The following RORA variants were observed in gnomAD, a reference collection of about 807,000 sequenced individuals.
The protein encoded by RORA is RAR related orphan receptor A.
In RORA, 7 loss-of-function variants were observed where a neutral mutation model predicts 69.5. The ratio of observed to expected loss-of-function variants is 0.10; its 90% CI spans 0.06 to 0.19. The LOEUF (loss-of-function observed/expected upper bound fraction) is 0.19. Ranked by LOEUF, RORA falls within the 10% of genes least tolerant of loss-of-function variation. RORA has a pLI of 1.00. For synonymous variants in RORA, 261 were observed against 240.8 expected, an observed-to-expected ratio of 1.08 and a Z score of -0.78; for missense variants, 457 against 663.0, an observed-to-expected ratio of 0.69 and a Z score of 3.41.
chr15:60,810,679 G>A (rs1232977887), intron 1 of RORA, among the ~76,000 whole-genome samples: 1 of 146,840 alleles, frequency 6.8e-6, no homozygotes, highest in African/African-American at 2.5e-5. Context: ...TTATCTTTCT[G>A]TGTTTTTTAA....
chr15:60,541,316 T>C (rs983167457), intron 2 of RORA, among the ~76,000 whole-genome samples: 2 of 152,210 alleles, frequency 1.3e-5, no homozygotes, highest in Non-Finnish European at 2.9e-5. Flanking sequence ...TGTGGCTCAA[T>C]GGTATTTCAA....
At chr15:61,168,745 T>C (rs139481665) in intron 1 of RORA, among the ~76,000 whole-genome samples, 41 of 152,278 alleles carry the variant, frequency 2.7e-4, no homozygotes, top group African/African-American at 8.7e-4. Flanking sequence ...TGGTGGACAG[T>C]ATGCTGGGCT....
chr15:60,861,478 C>T (rs142923244), intron 1 of RORA, among the ~76,000 whole-genome samples: 9 of 152,092 alleles, frequency 5.9e-5, no homozygotes, highest in Non-Finnish European at 1.2e-4. Flanking sequence ...CCATGCTCTT[C>T]GTCAAGCAAA....
chr15:61,202,940 T>G (rs2079908672), intron 1 of RORA, among the ~76,000 whole-genome samples: 1 of 152,156 alleles, frequency 6.6e-6, no homozygotes, highest in African/African-American at 2.4e-5. Flanking sequence ...AAAAATAATT[T>G]CTGCTGAAGA....
intron 1 of RORA, among the ~76,000 whole-genome samples, chr15:61,175,042 G>A (rs1464686024): frequency 2.6e-5 from 4 of 152,112 alleles, no homozygotes; most frequent in East Asian, 1.9e-4. Flanking sequence ...ATTTCACAGG[G>A]TATAAACAAT....
intron 1 of RORA, among the ~76,000 whole-genome samples, chr15:61,206,724 C>G (rs1161042978): frequency 6.6e-6 from 1 of 152,148 alleles, no homozygotes; most frequent in Non-Finnish European, 1.5e-5. Context: ...GTTTGCTCAT[C>G]CTCCAGCCCG....
At chr15:60,948,424 G>T (rs1892969682) in intron 1 of RORA, among the ~76,000 whole-genome samples, 1 of 152,122 alleles carries the variant, frequency 6.6e-6, no homozygotes, top group Non-Finnish European at 1.5e-5. Flanking sequence ...CTTCTGGAAG[G>T]CAAAATACTC....
rs533140369 is a variant in RORA at position 60,537,706 on chromosome 15, T to C, written c.197-5855A>G. On this transcript the variant is annotated intron_variant, in intron 2 of 10. Coordinates refer to ENST00000335670, the MANE Select transcript of RORA (RefSeq NM_134261.3). This position sits in a 1 kb window ranked among gnomAD's most constrained non-coding sequence, Gnocchi z 4.9. ...ATCCTATGCAAACTAACGATGAACT[T>C]GTTTGGCCACTTGGTCTGCTAAGTT... Among the ~76,000 whole-genome samples the C allele has an allele frequency of 2.0e-5, 3 of 152,304 alleles. No individual in the cohort carries two copies. In the East Asian group the frequency reaches 5.8e-4, roughly 29 times the overall value.
intron 1 of RORA, among the ~76,000 whole-genome samples, chr15:60,872,775 A>G (rs1291129513): frequency 6.6e-6 from 1 of 151,980 alleles, no homozygotes; most frequent in Non-Finnish European, 1.5e-5. Context: ...ACTCCTTAGC[A>G]TGGTGCACAA....
In RORA at chr15:60,597,597, CAT is replaced by C. The variant is rs1213736725; in HGVS notation, c.197-65748_197-65747del. The stretch of plus-strand genomic sequence containing the variant: ...ATACACATATATATATATATATACA[CAT>C]ATATATATATATATATATACATACA... On this transcript the variant is annotated intron_variant, in intron 2 of 10. Transcript: ENST00000335670. Among the ~76,000 whole-genome samples the C allele has an allele frequency of 8.9e-4, 28 of 31,358 alleles. 5 individuals are homozygous for C. The highest frequency in any genetic ancestry group is 2.0e-3 in the Admixed American group (4 of 2,020). 20.6% of individuals were successfully genotyped at this position (31,358 alleles called of 152,430 possible).
At chr15:60,601,858 T>C (rs1316798632) in intron 2 of RORA, among the ~76,000 whole-genome samples, 1 of 152,112 alleles carries the variant, frequency 6.6e-6, no homozygotes, top group Middle Eastern at 3.2e-3. Flanking sequence ...ACACAGTACA[T>C]ACATAGCCCT....
At chr15:60,888,929 G>T (rs1431007395) in intron 1 of RORA, among the ~76,000 whole-genome samples, 3 of 144,602 alleles carry the variant, frequency 2.1e-5, no homozygotes, top group African/African-American at 7.5e-5. Flanking sequence ...GAGGGTGGGT[G>T]GGGGCAGAGT....
intron 1 of RORA, among the ~76,000 whole-genome samples, chr15:60,742,063 CA>C (rs918617771): frequency 6.6e-6 from 1 of 152,038 alleles, no homozygotes; most frequent in African/African-American, 2.4e-5. Context: ...GAGAGAAATG[CA>C]AATAATTCCT....
intron 1 of RORA, among the ~76,000 whole-genome samples, chr15:60,850,152 G>A (rs561001994): frequency 1.3e-5 from 2 of 152,268 alleles, no homozygotes; most frequent in East Asian, 3.9e-4. Context: ...AAGAAATCCA[G>A]ACCTGAATCC....
intron 2 of RORA, among the ~76,000 whole-genome samples, chr15:60,543,084 C>T (rs1009055285): frequency 4.6e-5 from 7 of 150,630 alleles, no homozygotes; most frequent in African/African-American, 1.7e-4. Context: ...GCACCAAGGA[C>T]ACGGAAAGGA....
intron 1 of RORA, among the ~76,000 whole-genome samples, chr15:60,983,166 A>G (rs779511652): frequency 1.3e-5 from 2 of 152,234 alleles, no homozygotes; most frequent in Admixed American, 6.5e-5. Context: ...ATAGGAAGGA[A>G]CCAGGAAAGA....
intron 1 of RORA, among the ~76,000 whole-genome samples, chr15:60,983,814 T>A (rs566138800): frequency 2.6e-5 from 4 of 152,280 alleles, no homozygotes; most frequent in South Asian, 2.1e-4. Flanking sequence ...CTAAAATGTC[T>A]AAAACCGAGC....
intron 1 of RORA, among the ~76,000 whole-genome samples, chr15:61,162,578 A>G (rs1049039705): frequency 6.6e-6 from 1 of 152,320 alleles, no homozygotes; most frequent in South Asian, 2.1e-4. Flanking sequence ...TAGCCCTGAC[A>G]TTTAAAAATA....
At chr15:61,097,194 G>C (rs77683416) in intron 1 of RORA, among the ~76,000 whole-genome samples, 2 of 152,156 alleles carry the variant, frequency 1.3e-5, no homozygotes, top group Admixed American at 6.5e-5. Context: ...CCAGAAAGTC[G>C]GGAAAGACTG....
Sources: gnomAD v4.1 joint callset for allele counts (sites outside exome capture counted in the v4.1 genomes callset) on GRCh38, gnomAD v4.1.1 for gene constraint, Gnocchi (gnomAD v3.1) non-coding constraint, MANE v1.5 for transcripts, NCBI Gene and HGNC (gene_info 2026-07-23, HGNC 2026-07-21) for gene names.